Variants in NRDE2 observed in about 807,000 individuals in gnomAD.
The protein encoded by NRDE2 is NRDE-2, necessary for RNA interference, domain containing.
In NRDE2, 76 loss-of-function variants were observed where a neutral mutation model predicts 124.2. The observed-to-expected ratio is 0.61, with a 90% confidence interval of 0.51 to 0.74. The LOEUF is 0.74. NRDE2 is among the 30% of genes least tolerant of loss of function. The probability of loss-of-function intolerance (pLI) is 0.00; values close to 1 mark genes in which losing one functional copy is unlikely to be tolerated. For missense variants in NRDE2, 1,314 were observed against 1,417.3 expected (o/e 0.93, Z 1.17); for synonymous variants, 489 against 528.1 (o/e 0.93, Z 1.01).
rs777517900 is a variant in NRDE2 at position 90,288,286 on chromosome 14, G to C, written c.3089C>G (p.Pro1030Arg). ...FFDTITRSAK[P>R]LEPWLFAIEA... ...AATTGCAAACAACCAAGGCTCCAAG[G>C]GTTTGGCAGACCTGGTGATTGTGTC... Residue 1030 changes from proline (P) to arginine (R), a missense_variant, in exon 11 of 14, where the codon CCC becomes CGC. Pro to Arg is a moderately radical substitution (Grantham distance 103, BLOSUM62 -2). Coordinates refer to ENST00000354366, the MANE Select transcript of NRDE2 (RefSeq NM_017970.4). The C allele has an allele frequency of 1.2e-6, 2 of 1,613,992 alleles. No homozygotes were observed. The highest frequency in any genetic ancestry group is 1.7e-6 in the Non-Finnish European group (2 of 1,180,024).
intron 1 of NRDE2, among the ~76,000 whole-genome samples, chr14:90,318,447 C>A (rs928699099): frequency 6.6e-6 from 1 of 152,194 alleles, no homozygotes; most frequent in Non-Finnish European, 1.5e-5. Context: ...AGTGTGAATG[C>A]TTCCAAAGCA....
rs746869726 is a variant in NRDE2, at chr14:90,331,915, C to T, written c.-11G>A. ...TGGGAACAGCGCCATGACCACAGGC[C>T]GTACCTCCGTTCTTCTCTATAGGGA... On this transcript the variant is annotated 5_prime_UTR_variant, in exon 1 of 14. Coordinates refer to ENST00000354366, the MANE Select transcript of NRDE2 (RefSeq NM_017970.4). The T allele has an allele frequency of 8.1e-6, 13 of 1,613,964 alleles. No homozygotes were observed. Among genetic ancestry groups the T allele is most frequent in the East Asian group, 6.7e-5 (3 of 44,882 alleles).
Position 90,268,018 on chromosome 14 carries a change from T to C in NRDE2, c.*10318A>G. ...ATAAGTTCAGCAAAATAGCTAAGGA[T>C]AATCCAAACATGTTAGTAGATTTTT... On this transcript the variant is annotated 3_prime_UTR_variant, in exon 14 of 14. Coordinates refer to ENST00000354366, the MANE Select transcript of NRDE2 (RefSeq NM_017970.4). 2.1e-6 allele frequency: 1 copy of C among 484,366 alleles called. No homozygotes were observed. Among genetic ancestry groups the C allele is most frequent in the South Asian group, 3.8e-5 (1 of 26,464 alleles). The allele number at this position is 484,366 out of a possible 1,614,324, so 30.0% of individuals were successfully genotyped here. A position where few individuals can be genotyped will look rare whatever the true frequency, so the allele number is the denominator to read the frequency against.
intron 1 of NRDE2, among the ~76,000 whole-genome samples, chr14:90,330,154 C>T (rs550603746): frequency 6.7e-6 from 1 of 149,966 alleles, no homozygotes; most frequent in Admixed American, 6.7e-5. Flanking sequence ...CTGCAGTGAG[C>T]CAAGATCGTA....
intron 8 of NRDE2, among the ~76,000 whole-genome samples, chr14:90,297,260 ATT>A (rs978362028): frequency 6.6e-6 from 1 of 151,992 alleles, no homozygotes; most frequent in African/African-American, 2.4e-5. Context: ...CTAGTTAATA[ATT>A]TTTTTTCTTT....
Position 90,273,178 on chromosome 14 carries a change from G to A in NRDE2, c.*5158C>T, listed in dbSNP as rs1474865740. The A allele has an allele frequency of 1.3e-5, 2 of 152,200 alleles. No individual in the cohort carries two copies. The highest frequency in any genetic ancestry group is 2.9e-5 in the Non-Finnish European group (2 of 68,046). The allele number at this position is 152,200 out of a possible 1,614,324, so 9.4% of individuals were successfully genotyped here. ...AAGCGTTCCCTTGACAGGTGGCCTGGTGTGGGTTGTAGGGCCCACACTGAA... is the reference window on the plus strand; with the variant it reads ...AAGCGTTCCCTTGACAGGTGGCCTGATGTGGGTTGTAGGGCCCACACTGAA... On this transcript the variant is annotated 3_prime_UTR_variant, in exon 14 of 14. Coordinates refer to ENST00000354366, the MANE Select transcript of NRDE2 (RefSeq NM_017970.4).
At chr14:90,286,675 G>T (rs890082694) in intron 11 of NRDE2, among the ~76,000 whole-genome samples, 183 bp from the exon 12 acceptor site, 1 of 152,220 alleles carries the variant, frequency 6.6e-6, no homozygotes, top group African/African-American at 2.4e-5. Flanking sequence ...GAAGGCACAG[G>T]CCAGAGTTCT....
rs1891703066 is a variant in NRDE2 at position 90,272,760 on chromosome 14, A to G, written c.*5576T>C. 5.9e-6 allele frequency: 1 copy of G among 168,592 alleles called. No individual in the cohort carries two copies. The highest frequency in any genetic ancestry group is 1.7e-4 in the East Asian group (1 of 5,850). The allele number at this position is 168,592 out of a possible 1,614,324, so 10.4% of individuals were successfully genotyped here. On this transcript the variant is annotated 3_prime_UTR_variant, in exon 14 of 14. Coordinates refer to ENST00000354366, the MANE Select transcript of NRDE2 (RefSeq NM_017970.4). This position sits in a 1 kb window ranked among gnomAD's most constrained non-coding sequence, Gnocchi z 4.5. Reference sequence around the variant, plus strand: ...GTGTGGACCTCACTATGCGTTCGCCACATCACACCCCCAGAGCTGGCGTTC... The same window carrying G: ...GTGTGGACCTCACTATGCGTTCGCCGCATCACACCCCCAGAGCTGGCGTTC...
chr14:90,321,549 TAAAAAAAAAAAAAAA>T (rs1012195271), intron 1 of NRDE2, among the ~76,000 whole-genome samples: 1 of 108,812 alleles, frequency 9.2e-6, no homozygotes, highest in South Asian at 3.0e-4. Flanking sequence ...CCAGCTCTAT[TAAAAAAAAAAAAAAA>T]AAAAGAAAAG....
At chr14:90,279,265 T>A in intron 12 of NRDE2, 132 bp from the exon 13 acceptor site, 2 of 693,070 alleles carry the variant, frequency 2.9e-6, no homozygotes, top group Non-Finnish European at 5.1e-6. Flanking sequence ...CCTGGCACCG[T>A]CACGGTGGCT....
chr14:90,282,825 G>T (rs900028692), intron 12 of NRDE2, among the ~76,000 whole-genome samples: 14 of 151,996 alleles, frequency 9.2e-5, no homozygotes, highest in African/African-American at 3.1e-4. Flanking sequence ...GTGCCACTAC[G>T]CCCGGCTAAT....
chr14:90,293,289 C>T (rs1253176402), intron 8 of NRDE2, among the ~76,000 whole-genome samples: 2 of 151,634 alleles, frequency 1.3e-5, no homozygotes, highest in South Asian at 4.2e-4. Context: ...TCGCTGTTGT[C>T]GCCCAGGCTG....
At chr14:90,330,942 T>G (rs1885670856) in intron 1 of NRDE2, among the ~76,000 whole-genome samples, 1 of 152,152 alleles carries the variant, frequency 6.6e-6, no homozygotes, top group Non-Finnish European at 1.5e-5. Flanking sequence ...TTTTTCTTTT[T>G]TTTTTAGAGA....
At chr14:90,309,634 T>C (rs548962871) in intron 4 of NRDE2, among the ~76,000 whole-genome samples, 4 of 152,304 alleles carry the variant, frequency 2.6e-5, no homozygotes, top group African/African-American at 9.6e-5. Flanking sequence ...CTGCCTCCTA[T>C]TGACCTTGCA....
chr14:90,315,748 G>A lies in NRDE2; in HGVS notation c.407+830C>T, dbSNP rs901490613. ...AGGCAGGTGGATCACCTGAGGTCAG[G>A]AGTTCAAGACCTGCCTGGCCAACAT... On this transcript the variant is annotated intron_variant, in intron 3 of 13. Transcript: ENST00000354366. Among the ~76,000 whole-genome samples, 4 of 152,034 alleles carry A rather than the reference G, an allele frequency of 2.6e-5. No homozygotes were observed. In the East Asian group the frequency reaches 5.8e-4, roughly 22 times the overall value.
At chr14:90,280,787 C>A (rs1891932610) in intron 12 of NRDE2, 1 of 152,332 alleles carries the variant, frequency 6.6e-6, no homozygotes, top group African/African-American at 2.4e-5. Context: ...ACAACTGAGA[C>A]CCCTCATGAA....
intron 1 of NRDE2, among the ~76,000 whole-genome samples, chr14:90,324,746 T>C (rs995518298): frequency 6.6e-6 from 1 of 152,100 alleles, no homozygotes; most frequent in African/African-American, 2.4e-5. Context: ...CTCTGTGACT[T>C]ACTAACCATG....
intron 8 of NRDE2, among the ~76,000 whole-genome samples, chr14:90,295,602 TCA>T (rs1314699855): frequency 1.4e-4 from 21 of 152,320 alleles, no homozygotes; most frequent in African/African-American, 5.1e-4. Flanking sequence ...GGACACACAT[TCA>T]TGTATAACAA....
At chr14:90,287,370 C>T (rs1036132762) in intron 11 of NRDE2, among the ~76,000 whole-genome samples, 3 of 152,088 alleles carry the variant, frequency 2.0e-5, no homozygotes, top group African/African-American at 7.2e-5. Context: ...ATAATCCCAG[C>T]ACTTTGGAAG....
Sources: allele counts gnomAD v4.1 joint callset (sites outside exome capture counted in the v4.1 genomes callset), GRCh38; gene constraint gnomAD v4.1.1; non-coding constraint Gnocchi (gnomAD v3.1); transcripts MANE v1.5; gene names NCBI Gene and HGNC (gene_info 2026-07-23, HGNC 2026-07-21).